Variants in CLIC5 observed in about 807,000 individuals in gnomAD.
The protein encoded by CLIC5 is chloride intracellular channel protein 5.
CLIC5 carries 20 observed loss-of-function variants against 24.7 expected under a neutral mutation model. That is an observed-to-expected ratio of 0.81 (90% CI 0.57 to 1.18). The LOEUF is 1.18. Ranked by LOEUF, CLIC5 falls within the 50% of genes most tolerant of loss-of-function variation. CLIC5 has a pLI of 0.00. For synonymous variants in CLIC5, 159 were observed against 135.6 expected, an observed-to-expected ratio of 1.17 and a Z score of -1.20; for missense variants, 341 against 326.1, an observed-to-expected ratio of 1.05 and a Z score of -0.35.
At chr6:46,108,753 T>C in the CLIC5 span, among the ~76,000 whole-genome samples, 1 of 152,192 alleles carries the variant, frequency 6.6e-6, no homozygotes, top group Non-Finnish European at 1.5e-5. Context: ...TATATGATTT[T>C]TGCCTTTTGA....
At position 45,902,756 on chromosome 6, in the gene CLIC5, G is replaced by C. The variant is rs1274695584; in HGVS notation, c.*332C>G. ...TGCATGTTTCTAAAGCATCTGAGAAGGTATTTTGATATTGGCAGAAGAAGC... is the reference window on the plus strand; with the variant it reads ...TGCATGTTTCTAAAGCATCTGAGAACGTATTTTGATATTGGCAGAAGAAGC... On this transcript the variant is annotated 3_prime_UTR_variant, in exon 6 of 6. Coordinates refer to ENST00000339561, the MANE Select transcript of CLIC5 (RefSeq NM_016929.5). 1 of 296,116 alleles carries C rather than the reference G, an allele frequency of 3.4e-6. No individual in the cohort carries two copies. Among genetic ancestry groups the C allele is most frequent in the African/African-American group, 2.2e-5 (1 of 44,994 alleles). The allele number at this position is 296,116 out of a possible 1,614,324, so 18.3% of individuals were successfully genotyped here.
intron 1 of CLIC5, among the ~76,000 whole-genome samples, chr6:46,068,123 T>C (rs1762494595): frequency 6.6e-6 from 1 of 152,048 alleles, no homozygotes; most frequent in African/African-American, 2.4e-5. Flanking sequence ...ACTGGCGTGA[T>C]GCAACCACAA....
the CLIC5 span, among the ~76,000 whole-genome samples, chr6:46,121,531 C>G: frequency 2.0e-5 from 3 of 152,132 alleles, no homozygotes; most frequent in African/African-American, 7.2e-5. Context: ...AACTAACGAG[C>G]AAAATAACCA....
intron 4 of CLIC5, among the ~76,000 whole-genome samples, chr6:45,931,461 A>G (rs1299821116): frequency 6.6e-6 from 1 of 152,320 alleles, no homozygotes; most frequent in East Asian, 1.9e-4. Context: ...GTCACTGAAT[A>G]GCCTCAAGGA....
At chr6:45,978,013 G>C (rs1765441811) in intron 1 of CLIC5, among the ~76,000 whole-genome samples, 1 of 152,174 alleles carries the variant, frequency 6.6e-6, no homozygotes, top group African/African-American at 2.4e-5. Context: ...TAGCAGGGAA[G>C]CTCCTGGGCT....
chr6:45,983,189 C>T (rs1450242064), intron 1 of CLIC5, among the ~76,000 whole-genome samples: 1 of 152,172 alleles, frequency 6.6e-6, no homozygotes, highest in Non-Finnish European at 1.5e-5. Flanking sequence ...CACTGCCTGA[C>T]CTCACCTGAT....
At chr6:46,108,291 CA>C in the CLIC5 span, among the ~76,000 whole-genome samples, 1 of 150,712 alleles carries the variant, frequency 6.6e-6, no homozygotes, top group Non-Finnish European at 1.5e-5. Flanking sequence ...GATAGTAAAA[CA>C]TTTTTTGTTT....
intron 1 of CLIC5, among the ~76,000 whole-genome samples, chr6:46,004,410 T>C (rs1480930694): frequency 2.0e-5 from 3 of 152,182 alleles, no homozygotes. Flanking sequence ...GATTCGACCA[T>C]GCAAACCTAC....
chr6:46,100,647 C>T, the CLIC5 span, among the ~76,000 whole-genome samples: 1 of 152,060 alleles, frequency 6.6e-6, no homozygotes, highest in Non-Finnish European at 1.5e-5. Context: ...AATCATATAC[C>T]TTTTATTTTA....
the CLIC5 span, among the ~76,000 whole-genome samples, chr6:46,105,473 G>C: frequency 2.0e-5 from 3 of 152,166 alleles, no homozygotes; most frequent in East Asian, 5.8e-4. Context: ...TTTTAAATAT[G>C]TGCTTGGTTC....
chr6:45,889,335 C>A (rs1762330244), intron 6 of CLIC5, among the ~76,000 whole-genome samples: 1 of 152,122 alleles, frequency 6.6e-6, no homozygotes, highest in Admixed American at 6.5e-5. Flanking sequence ...TTCCTGAGAG[C>A]TCTACCCTCA....
chr6:46,008,267 G>C (rs1226938186), intron 1 of CLIC5, among the ~76,000 whole-genome samples: 1 of 152,130 alleles, frequency 6.6e-6, no homozygotes, highest in East Asian at 1.9e-4. Context: ...ACAACCCCGT[G>C]TACTCATAAG....
intron 1 of CLIC5, among the ~76,000 whole-genome samples, chr6:45,972,125 G>A (rs1181382477): frequency 1.3e-5 from 2 of 152,224 alleles, no homozygotes; most frequent in Non-Finnish European, 2.9e-5. Flanking sequence ...CATAAGTAGA[G>A]TATGGGTATC....
At chr6:46,081,049 TTC>T (rs1762910928), upstream of CLIC5, among the ~76,000 whole-genome samples, 2 of 152,286 alleles carry the variant, frequency 1.3e-5, no homozygotes, top group African/African-American at 4.8e-5. Flanking sequence ...AGAAGACACA[TTC>T]TCTGTCTTCA....
the CLIC5 span, among the ~76,000 whole-genome samples, chr6:46,086,949 G>A: frequency 0.036 from 5,542 of 152,230 alleles, 126 homozygotes; most frequent in Middle Eastern, 0.058. Flanking sequence ...TTCACAGCCA[G>A]TCATTGAGTG....
Position 45,914,279 on chromosome 6 carries a change from A to T in CLIC5, c.537T>A (p.Asp179Glu). 1.2e-6 allele frequency: 2 copies of T among 1,610,170 alleles called. No individual in the cohort carries two copies. The highest frequency in any genetic ancestry group is 1.7e-6 in the Non-Finnish European group (2 of 1,177,186). ...GATTGCAGTCAGCCAGGGTCAGCTC[A>T]TCCCCATCCAGGAACTTGCGCCGGG... ...KGSRRKFLDG[D>E]ELTLADCNLL... is the part of the protein sequence containing the mutation. Residue 179 changes from aspartate to glutamate, a missense_variant, in exon 5 of 6, where the codon GAT (aspartate) becomes GAA (glutamate). Transcript: ENST00000339561.
At chr6:45,941,514 G>A (rs778996598) in intron 4 of CLIC5, 33 bp downstream of exon 4, 23 of 1,519,460 alleles carry the variant, frequency 1.5e-5, no homozygotes, top group Non-Finnish European at 1.8e-5. Flanking sequence ...ATAGACCACT[G>A]CCAAGGGTTC....
chr6:45,958,477 A>ATAT (rs1764740734), intron 1 of CLIC5, among the ~76,000 whole-genome samples: 1 of 25,194 alleles, frequency 4.0e-5, no homozygotes, highest in Non-Finnish European at 8.6e-5. Flanking sequence ...TATATATATA[A>ATAT]ACAGCTAATG....
chr6:45,971,265 T>C (rs1765191309), intron 1 of CLIC5, among the ~76,000 whole-genome samples: 1 of 152,226 alleles, frequency 6.6e-6, no homozygotes, highest in Admixed American at 6.5e-5. Context: ...GATTGTTCCA[T>C]CCATAGGTCT....
Sources: gnomAD v4.1 joint callset for allele counts (sites outside exome capture counted in the v4.1 genomes callset) on GRCh38, gnomAD v4.1.1 for gene constraint, MANE v1.5 for transcripts, NCBI Gene and HGNC (gene_info 2026-07-23, HGNC 2026-07-21) for gene names.